SCG5: variants seen among roughly 807,000 people sequenced by gnomAD.
The protein encoded by SCG5 is neuroendocrine protein 7B2.
In SCG5, 18 loss-of-function variants were observed where a neutral mutation model predicts 25.7. That is an observed-to-expected ratio of 0.70 (90% CI 0.48 to 1.04). SCG5 has a LOEUF of 1.04. Ranked by LOEUF, SCG5 falls within the 50% of genes least tolerant of loss-of-function variation. SCG5 has a pLI of 0.00. For missense variants in SCG5, 206 were observed against 259.8 expected, an observed-to-expected ratio of 0.79 and a Z score of 1.42; for synonymous variants, 101 against 91.7, an observed-to-expected ratio of 1.10 and a Z score of -0.58.
chr15:32,651,725 T>TC (rs1432575369), intron 2 of SCG5, among the ~76,000 whole-genome samples: 9 of 152,250 alleles, frequency 5.9e-5, no homozygotes, highest in Non-Finnish European at 1.0e-4. Context: ...TTTCAGTTTT[T>TC]CTCTGTTGAG....
chr15:32,656,778 A>T, intron 2 of SCG5, among the ~76,000 whole-genome samples: 1 of 152,232 alleles, frequency 6.6e-6, no homozygotes, highest in Admixed American at 6.5e-5. Context: ...CACAGTTCGT[A>T]AAGAGAACTG....
In SCG5 at chr15:32,696,529, C is replaced by G; in HGVS notation, c.559C>G (p.Leu187Val). 1.2e-6 allele frequency: 2 copies of G among 1,611,886 alleles called. No homozygotes were observed. Among genetic ancestry groups the G allele is most frequent in the Non-Finnish European group, 1.7e-6 (2 of 1,178,586 alleles). ...TGTTTTTCAGAGTGTCAATCCATAT[C>G]TACAAGGACAGAGACTGGATAATGT... ...RRKRRSVNPY[L>V]QGQRLDNVVA... Residue 187 changes from leucine (L) to valine (V), a missense_variant, in exon 6 of 6, where the codon CTA becomes GTA. Leu to Val is a conservative substitution (Grantham distance 32). Coordinates refer to ENST00000300175, the MANE Select transcript of SCG5 (RefSeq NM_001144757.3).
intron 2 of SCG5, among the ~76,000 whole-genome samples, chr15:32,671,616 T>G (rs12050625): frequency 2.0e-5 from 3 of 151,940 alleles, no homozygotes; most frequent in Admixed American, 2.0e-4. Flanking sequence ...GCAGATTGTA[T>G]AGAAGCTGAC....
At chr15:32,691,673 C>T (rs942785187) in intron 4 of SCG5, 37 bp from the exon 5 acceptor site, 4 of 1,528,204 alleles carry the variant, frequency 2.6e-6, no homozygotes, top group East Asian at 2.3e-5. Flanking sequence ...TTGATCCATA[C>T]TTCTGCATTT....
chr15:32,663,995 C>T (rs796989147), intron 2 of SCG5, among the ~76,000 whole-genome samples: 1 of 152,076 alleles, frequency 6.6e-6, no homozygotes, highest in Non-Finnish European at 1.5e-5. Context: ...AAAATATCTC[C>T]CATGTGGTAT....
intron 2 of SCG5, among the ~76,000 whole-genome samples, chr15:32,652,644 G>A (rs751606220): frequency 2.7e-4 from 41 of 152,234 alleles, no homozygotes; most frequent in Non-Finnish European, 4.6e-4. Context: ...AGCTTTGGAG[G>A]TTTTGGCCTC....
chr15:32,661,347 C>T (rs1364358706), intron 2 of SCG5, among the ~76,000 whole-genome samples: 2 of 152,130 alleles, frequency 1.3e-5, no homozygotes, highest in African/African-American at 2.4e-5. Context: ...AGGCCAGGTG[C>T]GGTGGCTCAT....
Position 32,684,546 on chromosome 15 carries a change from G to A in SCG5, c.377-11G>A, listed in dbSNP as rs2054670664. 2 of 1,578,370 alleles carry A rather than the reference G, an allele frequency of 1.3e-6. No homozygotes were observed. Among genetic ancestry groups the A allele is most frequent in the East Asian group, 2.2e-5 (1 of 44,688 alleles). Reference sequence around the variant, plus strand: ...CTTGGCCGTTCCTCAAAAACCTTTGGCTGTTTGCAGCAGATGATGGATGTC... The same window carrying A: ...CTTGGCCGTTCCTCAAAAACCTTTGACTGTTTGCAGCAGATGATGGATGTC... On this transcript the variant is annotated splice_polypyrimidine_tract_variant and intron_variant, in intron 3 of 5. Transcript: ENST00000300175.
chr15:32,691,264 C>A lies in SCG5; in HGVS notation c.490-446C>A, dbSNP rs537417748. Among the ~76,000 whole-genome samples, 28 of 152,274 alleles carry A rather than the reference C, an allele frequency of 1.8e-4. 1 individual carries two copies. In the South Asian group the frequency reaches 5.6e-3, roughly 30 times the overall value. On this transcript the variant is annotated intron_variant, in intron 4 of 5. Coordinates refer to ENST00000300175, the MANE Select transcript of SCG5 (RefSeq NM_001144757.3). ...CTTAACGCCACAGACAAAATGGTTG[C>A]AGAAGTCAGAATGTCTCGTTTATTT... is the stretch of plus-strand genomic sequence containing the variant.
chr15:32,683,826 A>G (rs2054657175), intron 3 of SCG5, among the ~76,000 whole-genome samples: 1 of 152,206 alleles, frequency 6.6e-6, no homozygotes, highest in African/African-American at 2.4e-5. Context: ...TGCTGTGTGG[A>G]GATTGTTGTT....
chr15:32,670,299 A>G (rs2054397828), intron 2 of SCG5, among the ~76,000 whole-genome samples: 1 of 152,252 alleles, frequency 6.6e-6, no homozygotes, highest in Non-Finnish European at 1.5e-5. Flanking sequence ...CTTGCCGGCT[A>G]TGTGGGGCAG....
At chr15:32,696,319 G>T (rs1373402887) in intron 5 of SCG5, among the ~76,000 whole-genome samples, 195 bp from the exon 6 acceptor site, 1 of 151,942 alleles carries the variant, frequency 6.6e-6, no homozygotes, top group Non-Finnish European at 1.5e-5. Flanking sequence ...GGGTTTCACC[G>T]TGTTAGCCAG....
rs939549823 is a variant in SCG5 at position 32,644,652 on chromosome 15, T to C, written c.226+834T>C. On this transcript the variant is annotated intron_variant, in intron 2 of 5. Transcript: ENST00000300175. ...TGCTTTGCTTTTTATCCTCTGATTC[T>C]AATGATCTCCTTCTCCACTAAGGCA... Among the ~76,000 whole-genome samples the C allele has an allele frequency of 2.6e-5, 4 of 152,358 alleles. No individual in the cohort carries two copies. In the East Asian group the frequency reaches 7.7e-4, roughly 29 times the overall value.
At chr15:32,679,134 G>A (rs35415313) in intron 2 of SCG5, among the ~76,000 whole-genome samples, 3,772 of 151,824 alleles carry the variant, frequency 0.025, 71 homozygotes, top group Non-Finnish European at 0.034. Flanking sequence ...TTAGTTTCCA[G>A]CTTTTCCAAG....
chr15:32,663,622 G>A (rs2054274313), intron 2 of SCG5, among the ~76,000 whole-genome samples: 1 of 152,146 alleles, frequency 6.6e-6, no homozygotes, highest in Non-Finnish European at 1.5e-5. Context: ...AGCTTAAAAT[G>A]AAAGATTCCT....
chr15:32,687,363 A>G (rs1595818744), intron 4 of SCG5, among the ~76,000 whole-genome samples: 1 of 152,206 alleles, frequency 6.6e-6, no homozygotes, highest in East Asian at 1.9e-4. Flanking sequence ...CAAATGTAAA[A>G]GGAAAATATT....
intron 2 of SCG5, chr15:32,656,064 T>C (rs1179949338): frequency 6.6e-6 from 1 of 152,184 alleles, no homozygotes; most frequent in Non-Finnish European, 1.5e-5. Context: ...CTGGGAACCA[T>C]AGGTTCTAAA....
intron 2 of SCG5, chr15:32,677,662 C>A (rs1595811918): frequency 1.3e-5 from 2 of 152,330 alleles, no homozygotes; most frequent in African/African-American, 2.4e-5. Flanking sequence ...TGTAAACCAG[C>A]CTTTCCTGTA....
chr15:32,661,844 G>A (rs190154529), intron 2 of SCG5, among the ~76,000 whole-genome samples: 79 of 151,856 alleles, frequency 5.2e-4, no homozygotes, highest in South Asian at 8.4e-4. Flanking sequence ...GGATCATTTC[G>A]AAAATAAAAT....
Sources: allele counts gnomAD v4.1 joint callset (sites outside exome capture counted in the v4.1 genomes callset), GRCh38; gene constraint gnomAD v4.1.1; transcripts MANE v1.5; gene names NCBI Gene and HGNC (gene_info 2026-07-23, HGNC 2026-07-21).